SLC35F1: variants seen among roughly 807,000 people sequenced by gnomAD.
SLC35F1 encodes solute carrier family 35 member F1.
SLC35F1 carries 14 observed loss-of-function variants against 48.7 expected under a neutral mutation model. The observed-to-expected ratio is 0.29, with a 90% CI of 0.19 to 0.45. The LOEUF (loss-of-function observed/expected upper bound fraction) is 0.45. SLC35F1 is among the 20% of genes least tolerant of loss of function. The pLI is 1.00. For missense variants in SLC35F1, 404 were observed against 500.0 expected (o/e 0.81, Z 1.83); for synonymous variants, 190 against 202.2 (o/e 0.94, Z 0.51).
At chr6:118,040,568 A>G (rs905898181) in intron 1 of SLC35F1, among the ~76,000 whole-genome samples, 2 of 152,146 alleles carry the variant, frequency 1.3e-5, no homozygotes, top group East Asian at 3.8e-4. Context: ...AATTTCTTTT[A>G]TCATAGTGGG....
At chr6:118,253,566 C>T (rs1039653088) in intron 3 of SLC35F1, among the ~76,000 whole-genome samples, 1 of 151,970 alleles carries the variant, frequency 6.6e-6, no homozygotes, top group African/African-American at 2.4e-5. Flanking sequence ...GAAAATAAGA[C>T]AGCCAAGGAT....
chr6:118,041,579 C>G (rs1046718200), intron 1 of SLC35F1, among the ~76,000 whole-genome samples: 1 of 152,040 alleles, frequency 6.6e-6, no homozygotes, highest in African/African-American at 2.4e-5. Flanking sequence ...AAGTAAACAT[C>G]AAAATGCAAT....
At position 117,912,269 on chromosome 6, in the gene SLC35F1, CT is replaced by C. The variant is rs371089454; in HGVS notation, c.173+4375del. Among the ~76,000 whole-genome samples, 582 of 152,186 alleles carry C rather than the reference CT, an allele frequency of 3.8e-3. 2 individuals are homozygous for C. Among genetic ancestry groups the C allele is most frequent in the African/African-American group, 0.014 (563 of 41,536 alleles). On this transcript the variant is annotated intron_variant, in intron 1 of 7. Transcript: ENST00000360388. ...AGATTTATTTTCAAATTTCTGAAACCTTTTTGAATATAAACCAAAGATCGTT... is the reference window on the plus strand; with the variant it reads ...AGATTTATTTTCAAATTTCTGAAACCTTTTGAATATAAACCAAAGATCGTT...
At chr6:118,172,541 C>G (rs1021456952) in intron 2 of SLC35F1, among the ~76,000 whole-genome samples, 3 of 152,086 alleles carry the variant, frequency 2.0e-5, no homozygotes, top group African/African-American at 7.2e-5. Flanking sequence ...GCAGCATGGT[C>G]TAGATAACTG....
rs57839981 is a variant in SLC35F1, at chr6:118,304,244, T to C, written c.1003-9784T>C. ...ATGTAATTATGCATTATTAAAAATATCTCACTTGGGAAGCTGAGGCAGGAC... is the reference window on the plus strand; with the variant it reads ...ATGTAATTATGCATTATTAAAAATACCTCACTTGGGAAGCTGAGGCAGGAC... On this transcript the variant is annotated intron_variant, in intron 7 of 7. Transcript: ENST00000360388. Among the ~76,000 whole-genome samples the C allele has an allele frequency of 9.2e-3, 1,399 of 152,140 alleles. 25 individuals are homozygous for C. Among genetic ancestry groups the C allele is most frequent in the African/African-American group, 0.032 (1,335 of 41,528 alleles).
At chr6:118,232,524 G>C (rs192352082) in intron 2 of SLC35F1, among the ~76,000 whole-genome samples, 79 of 146,024 alleles carry the variant, frequency 5.4e-4, no homozygotes, top group African/African-American at 2.0e-3. Flanking sequence ...CTCCAGCCTG[G>C]GTGACAAGAG....
intron 1 of SLC35F1, among the ~76,000 whole-genome samples, chr6:117,920,707 G>A (rs1314764297): frequency 1.3e-5 from 2 of 152,064 alleles, no homozygotes; most frequent in Non-Finnish European, 2.9e-5. Flanking sequence ...ATGTTTACTC[G>A]TACTAATCCA....
At chr6:118,296,380 C>T (rs143547958) in intron 7 of SLC35F1, among the ~76,000 whole-genome samples, 1 of 152,302 alleles carries the variant, frequency 6.6e-6, no homozygotes, top group East Asian at 1.9e-4. Flanking sequence ...GGTGTGTCTA[C>T]AGCCCCTCCC....
intron 1 of SLC35F1, among the ~76,000 whole-genome samples, chr6:118,148,187 T>C (rs1393160826): frequency 6.6e-6 from 1 of 152,202 alleles, no homozygotes; most frequent in Non-Finnish European, 1.5e-5. Flanking sequence ...TTCCTGAGAA[T>C]AGTTATCAGA....
At chr6:118,145,470 T>C (rs930098822) in intron 1 of SLC35F1, among the ~76,000 whole-genome samples, 1 of 152,208 alleles carries the variant, frequency 6.6e-6, no homozygotes, top group Non-Finnish European at 1.5e-5. Context: ...CAAAATATAC[T>C]GTAAGTAAGT....
intron 7 of SLC35F1, among the ~76,000 whole-genome samples, chr6:118,301,893 T>G (rs986352687): frequency 2.0e-5 from 3 of 152,226 alleles, no homozygotes; most frequent in African/African-American, 7.2e-5. Context: ...CAAGCTTTTC[T>G]TTAGTCTTTG....
intron 1 of SLC35F1, among the ~76,000 whole-genome samples, chr6:118,079,719 C>G (rs528812160): frequency 6.6e-6 from 1 of 152,138 alleles, no homozygotes. Flanking sequence ...AATATGGGTA[C>G]TTAAATATTG....
At chr6:118,264,535 G>A (rs1026759059) in intron 3 of SLC35F1, among the ~76,000 whole-genome samples, 6 of 152,176 alleles carry the variant, frequency 3.9e-5, no homozygotes, top group Non-Finnish European at 8.8e-5. Flanking sequence ...TAGAGGAATA[G>A]ATCTCAGGAC....
At chr6:118,272,643 C>A (rs977049742) in intron 4 of SLC35F1, among the ~76,000 whole-genome samples, 1 of 150,874 alleles carries the variant, frequency 6.6e-6, no homozygotes, top group African/African-American at 2.4e-5. Context: ...AAGCAAACTT[C>A]TTAACAGAGG....
At chr6:118,213,708 A>G (rs1202915049) in intron 2 of SLC35F1, among the ~76,000 whole-genome samples, 1 of 152,240 alleles carries the variant, frequency 6.6e-6, no homozygotes, top group Non-Finnish European at 1.5e-5. Context: ...AAGTTGCAAA[A>G]TTATATATAG....
intron 2 of SLC35F1, among the ~76,000 whole-genome samples, chr6:118,224,041 G>A (rs1775184695): frequency 6.6e-6 from 1 of 152,082 alleles, no homozygotes; most frequent in South Asian, 2.1e-4. Context: ...GGCAAATAGG[G>A]TCACTTTTCA....
chr6:118,094,082 T>A (rs1264233176), intron 1 of SLC35F1, among the ~76,000 whole-genome samples: 1 of 152,178 alleles, frequency 6.6e-6, no homozygotes. Flanking sequence ...TTATCCCAGT[T>A]TTGCTTTTAA....
At chr6:118,223,098 T>A (rs966855464) in intron 2 of SLC35F1, among the ~76,000 whole-genome samples, 3 of 152,214 alleles carry the variant, frequency 2.0e-5, no homozygotes, top group Admixed American at 6.5e-5. Context: ...GCATTGCTCA[T>A]AAAATGCTGC....
At chr6:117,959,464 C>T (rs533670360) in intron 1 of SLC35F1, among the ~76,000 whole-genome samples, 1 of 152,258 alleles carries the variant, frequency 6.6e-6, no homozygotes, top group African/African-American at 2.4e-5. Flanking sequence ...AAATCTCTGT[C>T]TGTAGGGCCA....
Sources: allele counts gnomAD v4.1 joint callset (sites outside exome capture counted in the v4.1 genomes callset), GRCh38; gene constraint gnomAD v4.1.1; transcripts MANE v1.5; gene names NCBI Gene and HGNC (gene_info 2026-07-23, HGNC 2026-07-21).